SMIM10L3: variants seen among roughly 807,000 people sequenced by gnomAD.
SMIM10L3 encodes salivary gland specific protein SAGSIN1.
the SMIM10L3 span, among the ~76,000 whole-genome samples, chr7:6,345,930 G>A: frequency 4.0e-5 from 6 of 151,832 alleles, no homozygotes. Context: ...CATCACACCT[G>A]CCTAATTTTT....
the SMIM10L3 span, among the ~76,000 whole-genome samples, chr7:6,334,082 G>A: frequency 2.1e-4 from 31 of 151,058 alleles, no homozygotes; most frequent in East Asian, 1.4e-3. Context: ...TCCTGACCTC[G>A]TGATCCGCCC....
chr7:6,332,002 G>C, the SMIM10L3 span, among the ~76,000 whole-genome samples: 1 of 151,360 alleles, frequency 6.6e-6, no homozygotes, highest in Non-Finnish European at 1.5e-5. Context: ...ATCCCAGCTA[G>C]TTGGGAGGCT....
the SMIM10L3 span, among the ~76,000 whole-genome samples, chr7:6,332,298 G>A: frequency 2.0e-5 from 3 of 151,918 alleles, no homozygotes; most frequent in African/African-American, 4.8e-5. Context: ...AAAAGTTCCT[G>A]TCCAAAGAAA....
At chr7:6,337,038 A>G in the SMIM10L3 span, among the ~76,000 whole-genome samples, 1 of 151,742 alleles carries the variant, frequency 6.6e-6, no homozygotes, top group African/African-American at 2.4e-5. Context: ...ATTCCTAAAT[A>G]TATTTCAATA....
chr7:6,341,683 C>T, the SMIM10L3 span, among the ~76,000 whole-genome samples: 3 of 145,162 alleles, frequency 2.1e-5, no homozygotes, highest in African/African-American at 7.7e-5. Flanking sequence ...GAGCAAGACT[C>T]TGTCAAAAAA....
At chr7:6,333,840 C>CTTT in the SMIM10L3 span, among the ~76,000 whole-genome samples, 28 of 96,810 alleles carry the variant, frequency 2.9e-4, no homozygotes, top group Non-Finnish European at 4.9e-4. Flanking sequence ...CTCCTGGCCT[C>CTTT]TTTTTTTTTT....
chr7:6,332,541 G>A, the SMIM10L3 span, among the ~76,000 whole-genome samples: 1 of 152,086 alleles, frequency 6.6e-6, no homozygotes, highest in Non-Finnish European at 1.5e-5. Flanking sequence ...CCCTCAGCCA[G>A]GCGTGGTGGC....
chr7:6,330,146 T>C, the SMIM10L3 span: 3 of 546,808 alleles, frequency 5.5e-6, no homozygotes, highest in African/African-American at 3.8e-5. Context: ...CCTGAAATGT[T>C]TCCCAATTCT....
chr7:6,332,137 A>G, the SMIM10L3 span, among the ~76,000 whole-genome samples: 1 of 151,916 alleles, frequency 6.6e-6, no homozygotes, highest in East Asian at 1.9e-4. Context: ...AAAATTGCGA[A>G]AAGGCTTTGA....
At chr7:6,332,487 A>G in the SMIM10L3 span, among the ~76,000 whole-genome samples, 1 of 152,144 alleles carries the variant, frequency 6.6e-6, no homozygotes, top group Non-Finnish European at 1.5e-5. Flanking sequence ...GACACGTTAA[A>G]TGTAATTTTG....
chr7:6,330,782 G>C, the SMIM10L3 span: 3 of 1,614,136 alleles, frequency 1.9e-6, no homozygotes, highest in Non-Finnish European at 1.7e-6. Context: ...CGCCGCCCCA[G>C]AGCTTCAACA....
chr7:6,347,897 T>C, the SMIM10L3 span, among the ~76,000 whole-genome samples: 1 of 145,288 alleles, frequency 6.9e-6, no homozygotes, highest in Non-Finnish European at 1.5e-5. Context: ...TTATTATTAT[T>C]ATTATTATTA....
the SMIM10L3 span, among the ~76,000 whole-genome samples, chr7:6,345,794 A>T: frequency 6.6e-6 from 1 of 151,586 alleles, no homozygotes; most frequent in Non-Finnish European, 1.5e-5. Context: ...TTTGAGACAG[A>T]GTCTCGCTGT....
chr7:6,348,236 G>GA, the SMIM10L3 span, among the ~76,000 whole-genome samples: 1 of 151,088 alleles, frequency 6.6e-6, no homozygotes, highest in African/African-American at 2.4e-5. Context: ...AAAATAAGGG[G>GA]GGGGGTTGCA....
the SMIM10L3 span, among the ~76,000 whole-genome samples, chr7:6,348,000 T>A: frequency 6.6e-6 from 1 of 151,282 alleles, no homozygotes; most frequent in Non-Finnish European, 1.5e-5. Flanking sequence ...AACCTGCGCC[T>A]CCCAGGTTCC....
chr7:6,331,099 C>T, the SMIM10L3 span: 18 of 1,613,286 alleles, frequency 1.1e-5, no homozygotes, highest in Non-Finnish European at 1.4e-5. Flanking sequence ...GTCACCTCCT[C>T]CGGCCTGCTG....
chr7:6,347,553 A>C, the SMIM10L3 span, among the ~76,000 whole-genome samples: 1 of 151,854 alleles, frequency 6.6e-6, no homozygotes, highest in Non-Finnish European at 1.5e-5. Context: ...TTTACAGCAA[A>C]GGCGGTCTCC....
chr7:6,346,051 G>A, the SMIM10L3 span, among the ~76,000 whole-genome samples: 4 of 152,128 alleles, frequency 2.6e-5, no homozygotes, highest in Non-Finnish European at 5.9e-5. Flanking sequence ...TTACAGGCAT[G>A]AGACACCATG....
chr7:6,339,031 A>G, the SMIM10L3 span, among the ~76,000 whole-genome samples: 1 of 152,218 alleles, frequency 6.6e-6, no homozygotes, highest in Non-Finnish European at 1.5e-5. Flanking sequence ...TGGAGGTAGC[A>G]GAAACAAACC....
Sources: gnomAD v4.1 joint callset for allele counts (sites outside exome capture counted in the v4.1 genomes callset) on GRCh38, gnomAD v4.1.1 for gene constraint, MANE v1.5 for transcripts, NCBI Gene and HGNC (gene_info 2026-07-23, HGNC 2026-07-21) for gene names.